TLE3: variants seen among roughly 807,000 people sequenced by gnomAD.
TLE3 encodes the protein TLE family member 3, transcriptional corepressor, also known as transducin-like enhancer protein 3.
In TLE3, 14 loss-of-function variants were observed where a neutral mutation model predicts 93.0. The ratio of observed to expected loss-of-function variants is 0.15; its 90% CI spans 0.10 to 0.24. The LOEUF (loss-of-function observed/expected upper bound fraction) is 0.24, where lower values mean the gene tolerates loss of function less well. TLE3 is among the 10% of genes least tolerant of loss of function. The pLI is 1.00. For synonymous variants in TLE3, 451 were observed against 425.0 expected, an observed-to-expected ratio of 1.06 and a Z score of -0.75; for missense variants, 693 against 1,046.6, an observed-to-expected ratio of 0.66 and a Z score of 4.66.
chr15:70,096,971 C>A lies in TLE3; in HGVS notation c.-173G>T. ...AAATCCCAGAGTCGGGCGCCCGCCC[C>A]AAGTGGAGACAAAGAGCCGCGGAGC... On this transcript the variant is annotated 5_prime_UTR_variant, in exon 1 of 20. Transcript: ENST00000451782. 1.3e-6 allele frequency: 1 copy of A among 762,984 alleles called. No homozygotes were observed. The highest frequency in any genetic ancestry group is 2.2e-6 in the Non-Finnish European group (1 of 461,626). 47.3% of individuals were successfully genotyped at this position (762,984 alleles called of 1,614,324 possible). A position where few individuals can be genotyped will look rare whatever the true frequency, so the allele number is the denominator to read the frequency against.
chr15:70,095,511 A>T (rs910904267), intron 3 of TLE3, 67 bp downstream of exon 3: 2 of 1,546,570 alleles, frequency 1.3e-6, no homozygotes, highest in African/African-American at 1.4e-5. Flanking sequence ...ATCTCCCCAG[A>T]TCCACGCCGC....
At chr15:70,075,273 G>C (rs1017400023) in intron 5 of TLE3, among the ~76,000 whole-genome samples, 4 of 152,208 alleles carry the variant, frequency 2.6e-5, no homozygotes, top group African/African-American at 9.7e-5. Flanking sequence ...TGTTGATAGT[G>C]GGGAGGATAT....
chr15:70,096,308 C>T, intron 1 of TLE3, 47 bp from the exon 2 acceptor site: 1 of 1,548,730 alleles, frequency 6.5e-7, no homozygotes, highest in Non-Finnish European at 8.7e-7. Flanking sequence ...GGGCATGAGA[C>T]CGCGCTCAGA....
intron 9 of TLE3, 121 bp from the exon 10 acceptor site, chr15:70,059,581 T>C (rs775697622): frequency 3.4e-6 from 3 of 888,790 alleles, no homozygotes; most frequent in Non-Finnish European, 5.2e-6. Flanking sequence ...AACCCCAAAG[T>C]CCATGCTTTC....
At chr15:70,077,081 T>C (rs937163454) in intron 4 of TLE3, among the ~76,000 whole-genome samples, 2 of 152,218 alleles carry the variant, frequency 1.3e-5, no homozygotes, top group African/African-American at 4.8e-5. Flanking sequence ...ATGTAATTCA[T>C]TAGATCCCTA....
intron 2 of TLE3, 71 bp from the exon 3 acceptor site, chr15:70,095,712 C>T: frequency 1.3e-6 from 2 of 1,511,366 alleles, no homozygotes; most frequent in East Asian, 2.5e-5. Context: ...GACCCAAGGG[C>T]CTCTAGAGCC....
At chr15:70,063,427 G>A (rs1191381376) in intron 8 of TLE3, among the ~76,000 whole-genome samples, 1 of 152,194 alleles carries the variant, frequency 6.6e-6, no homozygotes, top group Non-Finnish European at 1.5e-5. Flanking sequence ...ATGTAGGCGG[G>A]TCAAGAGGCC....
At position 70,060,539 on chromosome 15, in the gene TLE3, C is replaced by T. The variant is rs2056402924; in HGVS notation, c.705G>A (p.Leu235=). 1 of 1,613,924 alleles carries T rather than the reference C, an allele frequency of 6.2e-7. No individual in the cohort carries two copies. Among genetic ancestry groups the T allele is most frequent in the East Asian group, 2.2e-5 (1 of 44,884 alleles). Residue 235 remains leucine, a synonymous_variant, in exon 9 of 20, where the codon TTG becomes TTA. Coordinates refer to ENST00000451782, the MANE Select transcript of TLE3 (RefSeq NM_001105192.3). ...KKRKAEEKDS[L]SRYDSDGDKS... ...GGCGCCTTGGACGTACGTATCGGCT[C>T]AAGCTGTCCTTCTCCTCCGCCTTCC...
intron 4 of TLE3, among the ~76,000 whole-genome samples, chr15:70,080,827 TGC>T (rs532155315): frequency 2.0e-5 from 3 of 152,224 alleles, no homozygotes; most frequent in Non-Finnish European, 4.4e-5. Context: ...AAACGGAGCC[TGC>T]TCTTGATCTG....
At chr15:70,060,841 T>G in intron 8 of TLE3, 192 bp from the exon 9 acceptor site, 1 of 849,562 alleles carries the variant, frequency 1.2e-6, no homozygotes, top group Non-Finnish European at 1.9e-6. Context: ...TGAGACTGAG[T>G]CCCCGGGGAG....
rs549713231 is a variant in TLE3, at chr15:70,097,790, A to C, written c.-992T>G. Reference sequence around the variant, plus strand: ...AAACACACACACCCAACACACACACACGCGCGCACGCACACACACACACAC... The same window carrying C: ...AAACACACACACCCAACACACACACCCGCGCGCACGCACACACACACACAC... On this transcript the variant is annotated 5_prime_UTR_variant, in exon 1 of 20. Transcript: ENST00000451782. The C allele has an allele frequency of 3.9e-5, 14 of 361,790 alleles. No individual in the cohort carries two copies. Among genetic ancestry groups the C allele is most frequent in the Non-Finnish European group, 5.8e-5 (12 of 208,186 alleles). 22.4% of individuals were successfully genotyped at this position (361,790 alleles called of 1,614,324 possible).
intron 4 of TLE3, among the ~76,000 whole-genome samples, chr15:70,092,979 C>G (rs926573921): frequency 2.0e-4 from 30 of 152,126 alleles, no homozygotes; most frequent in African/African-American, 6.8e-4. Context: ...ACAGGGCAGA[C>G]AAAGGGAGGA....
At chr15:70,077,995 A>G (rs2057535797) in intron 4 of TLE3, among the ~76,000 whole-genome samples, 1 of 152,236 alleles carries the variant, frequency 6.6e-6, no homozygotes, top group Non-Finnish European at 1.5e-5. Context: ...CATGCTATTG[A>G]CATCTGAGGT....
At position 70,058,788 on chromosome 15, in the gene TLE3, C is replaced by A. The variant is rs778200512; in HGVS notation, c.793G>T (p.Ala265Ser). The A allele has an allele frequency of 2.5e-6, 4 of 1,599,536 alleles. No individual in the cohort carries two copies. The African/African-American group carries it at 5.4e-5, about 22-fold the overall frequency. The part of the protein sequence containing the change: ...EDPATPRVSP[A>S]HSPPENGLDK... The stretch of plus-strand genomic sequence containing the variant: ...AGCCCATTTTCAGGAGGGGAGTGTG[C>A]CGGGCTGACCCGGGGCGTTGCGGGG... Residue 265 changes from alanine to serine, a missense_variant, in exon 11 of 20, where the codon GCA becomes TCA. Coordinates refer to ENST00000451782, the MANE Select transcript of TLE3 (RefSeq NM_001105192.3). This position sits in a 1 kb window ranked among gnomAD's most constrained non-coding sequence, Gnocchi z 4.1.
chr15:70,082,902 T>A, intron 4 of TLE3, among the ~76,000 whole-genome samples: 1 of 152,140 alleles, frequency 6.6e-6, no homozygotes, highest in Non-Finnish European at 1.5e-5. Context: ...GGACGACCCT[T>A]CTGCACACTT....
intron 4 of TLE3, among the ~76,000 whole-genome samples, chr15:70,089,999 T>C (rs972210620): frequency 1.3e-5 from 2 of 152,154 alleles, no homozygotes. Flanking sequence ...CAAGGGGCCA[T>C]TTGCTCATCT....
intron 6 of TLE3, among the ~76,000 whole-genome samples, chr15:70,069,958 G>A (rs1370111247): frequency 6.6e-6 from 1 of 152,264 alleles, no homozygotes; most frequent in Non-Finnish European, 1.5e-5. Context: ...CTGAGTGGGA[G>A]GCTGATACTG....
intron 4 of TLE3, among the ~76,000 whole-genome samples, chr15:70,080,490 G>C (rs186835820): frequency 6.6e-6 from 1 of 152,288 alleles, no homozygotes; most frequent in African/African-American, 2.4e-5. Flanking sequence ...CAGAGGTCCT[G>C]CTACATCCGG....
In TLE3 at chr15:70,057,605, C is replaced by G; in HGVS notation, c.1105G>C (p.Ala369Pro). Reference sequence around the variant, plus strand: ...TTCATCTCATGGTGGCTCATCATGGCGAAGGGCGCCGCATAGGAGCTGGTG... The same window carrying G: ...TTCATCTCATGGTGGCTCATCATGGGGAAGGGCGCCGCATAGGAGCTGGTG... ...SITSSYAAPF[A>P]MMSHHEMNGS... The change falls in exon 13 of 20, where the codon GCC becomes CCC. Residue 369 changes from alanine to proline, a missense_variant. By Grantham distance (27) the Ala-to-Pro change is conservative. This residue lies in a region of TLE3 where 405 missense variants were observed against 468.9 expected (regional missense o/e 0.86). Transcript: ENST00000451782. The G allele has an allele frequency of 6.3e-7, 1 of 1,592,662 alleles. No homozygotes were observed. Among genetic ancestry groups the G allele is most frequent in the Non-Finnish European group, 8.5e-7 (1 of 1,171,584 alleles).
Sources: gnomAD v4.1 joint callset for allele counts (sites outside exome capture counted in the v4.1 genomes callset) on GRCh38, gnomAD v4.1.1 for gene constraint, gnomAD v4.1.1 regional missense constraint, Gnocchi (gnomAD v3.1) non-coding constraint, MANE v1.5 for transcripts, NCBI Gene and HGNC (gene_info 2026-07-23, HGNC 2026-07-21) for gene names.